Variants in GPC3 observed in about 807,000 individuals in gnomAD.
The protein encoded by GPC3 is glypican 3.
A neutral mutation model predicts 34.4 loss-of-function variants in GPC3; 3 were observed. The ratio of observed to expected loss-of-function variants is 0.09; its 90% CI spans 0.04 to 0.23. The LOEUF (loss-of-function observed/expected upper bound fraction) is 0.23, where lower values mean the gene tolerates loss of function less well. Among genes scored for constraint, GPC3 ranks in the 10% least tolerant of loss-of-function variants. The probability of loss-of-function intolerance (pLI) is 1.00; values close to 1 mark genes in which losing one functional copy is unlikely to be tolerated. For missense variants in GPC3, 351 were observed against 445.6 expected (o/e 0.79, Z 1.91); for synonymous variants, 177 against 174.0 (o/e 1.02, Z -0.13).
chrX:133,690,249 T>C (rs2071049107), intron 5 of GPC3, among the ~76,000 whole-genome samples: 1 of 111,116 alleles, frequency 9.0e-6, no homozygotes, highest in African/African-American at 3.3e-5. Flanking sequence ...ATGTCTTTTG[T>C]TTTGTGTTGG....
intron 2 of GPC3, among the ~76,000 whole-genome samples, chrX:133,931,154 T>C (rs1347384485): frequency 9.0e-6 from 1 of 111,471 alleles, no homozygotes; most frequent in Non-Finnish European, 1.9e-5. Flanking sequence ...AATGTGTTAA[T>C]GTATATAATG....
intron 6 of GPC3, among the ~76,000 whole-genome samples, chrX:133,622,451 A>T (rs2070244978): frequency 8.9e-6 from 1 of 112,167 alleles, no homozygotes; most frequent in Non-Finnish European, 1.9e-5. Flanking sequence ...TAAACAGTGT[A>T]GAGAAGCACT....
Position 133,579,341 on chromosome X carries a change from T to C in GPC3, c.1573+17099A>G, listed in dbSNP as rs143564674. On this transcript the variant is annotated intron_variant, in intron 7 of 7. Transcript: ENST00000370818. ...CAAGACCCCCAACTACACTAGGAAC[T>C]TCTATGGGCAGGTACTTTGCTTATT... 4.5e-4 allele frequency among the ~76,000 whole-genome samples: 50 copies of C among 112,027 alleles called. 1 individual carries two copies. In the East Asian group the frequency reaches 0.012, roughly 27 times the overall value.
Position 133,754,180 on chromosome X carries a change from TAA to T in GPC3, c.338-6_338-5del, listed in dbSNP as rs370737647. 14,718 of 876,847 alleles carry T rather than the reference TAA, an allele frequency of 0.017. No homozygotes were observed. The highest frequency in any genetic ancestry group is 0.029 in the Admixed American group (888 of 31,120). 72.3% of individuals were successfully genotyped at this position (876,847 alleles called of 1,213,427 possible). On this transcript the variant is annotated splice_region_variant and splice_polypyrimidine_tract_variant and intron_variant, in intron 2 of 7. Coordinates refer to ENST00000370818, the MANE Select transcript of GPC3 (RefSeq NM_004484.4). ...CGAACAACAATTTCAAAGGCCTCTGTAAAAAAAAAAAAAAAAGAGACACAAAA... is the reference window on the plus strand; with the variant it reads ...CGAACAACAATTTCAAAGGCCTCTGTAAAAAAAAAAAAAAGAGACACAAAA...
intron 6 of GPC3, among the ~76,000 whole-genome samples, chrX:133,624,294 G>A (rs2070270865): frequency 9.0e-6 from 1 of 111,526 alleles, no homozygotes; most frequent in South Asian, 3.8e-4. Flanking sequence ...CAGAAGGCAA[G>A]AAATAACTAA....
At chrX:133,685,124 G>A (rs1366584365) in intron 5 of GPC3, among the ~76,000 whole-genome samples, 2 of 111,442 alleles carry the variant, frequency 1.8e-5, no homozygotes, top group South Asian at 3.8e-4. Flanking sequence ...AGAAAGAACT[G>A]TGCCCCCAAC....
chrX:133,877,101 A>T (rs966118086), intron 2 of GPC3, among the ~76,000 whole-genome samples: 1 of 112,062 alleles, frequency 8.9e-6, no homozygotes, highest in Non-Finnish European at 1.9e-5. Flanking sequence ...TCAGTTAAAC[A>T]TAACCTCTAT....
chrX:133,851,101 T>C (rs1166371634), intron 2 of GPC3, among the ~76,000 whole-genome samples: 1 of 111,571 alleles, frequency 9.0e-6, no homozygotes, highest in African/African-American at 3.3e-5. Flanking sequence ...AGACTCCGTC[T>C]CCAAAACAAA....
chrX:133,536,061 TTCC>T lies in GPC3; in HGVS notation c.*60_*62del. On this transcript the variant is annotated 3_prime_UTR_variant, in exon 8 of 8. Transcript: ENST00000370818. ...AAAATAGAAAAAAATAAGAAAGTGGTTCCCTTTATCGAGGAAGACCACAGGGTG... is the reference window on the plus strand; with the variant it reads ...AAAATAGAAAAAAATAAGAAAGTGGTCTTTATCGAGGAAGACCACAGGGTG... 9.1e-6 allele frequency: 8 copies of T among 879,483 alleles called. No homozygotes were observed. Among genetic ancestry groups the T allele is most frequent in the Non-Finnish European group, 1.3e-5 (8 of 612,990 alleles). 72.5% of individuals were successfully genotyped at this position (879,483 alleles called of 1,213,427 possible).
At chrX:133,604,056 A>G (rs1569394501) in intron 6 of GPC3, among the ~76,000 whole-genome samples, 1 of 111,489 alleles carries the variant, frequency 9.0e-6, no homozygotes, top group Non-Finnish European at 1.9e-5. Context: ...GGTTTAACAT[A>G]TGTTCTCTCA....
intron 6 of GPC3, among the ~76,000 whole-genome samples, chrX:133,651,250 C>T (rs906858689): frequency 9.2e-6 from 1 of 109,028 alleles, no homozygotes; most frequent in African/African-American, 3.4e-5. Context: ...GTGGCGCGAT[C>T]TCGGCTCACT....
At chrX:133,929,030 A>C (rs923556144) in intron 2 of GPC3, among the ~76,000 whole-genome samples, 3 of 111,980 alleles carry the variant, frequency 2.7e-5, no homozygotes, top group Non-Finnish European at 5.6e-5. Context: ...GGTCAATGCC[A>C]AGGAGCTTTT....
At chrX:133,808,666 G>A (rs1454471317) in intron 2 of GPC3, among the ~76,000 whole-genome samples, 1 of 110,560 alleles carries the variant, frequency 9.0e-6, no homozygotes, top group African/African-American at 3.3e-5. Flanking sequence ...GTGAGACTAT[G>A]AGCAAGATAC....
At chrX:133,672,107 G>C (rs1335350148) in intron 5 of GPC3, among the ~76,000 whole-genome samples, 1 of 111,208 alleles carries the variant, frequency 9.0e-6, no homozygotes, top group Non-Finnish European at 1.9e-5. Flanking sequence ...GAAAGAGTGA[G>C]AGGTTAGTAT....
At chrX:133,958,725 A>AAAC (rs1556360753) in intron 1 of GPC3, among the ~76,000 whole-genome samples, 5 of 95,005 alleles carry the variant, frequency 5.3e-5, no homozygotes, top group African/African-American at 2.0e-4. Flanking sequence ...AAAAAAAAAC[A>AAAC]AAAAAAAAAA....
intron 2 of GPC3, among the ~76,000 whole-genome samples, chrX:133,817,841 C>T (rs1246600511): frequency 9.2e-6 from 1 of 108,848 alleles, no homozygotes; most frequent in Non-Finnish European, 1.9e-5. Context: ...ATTCCTGCTT[C>T]CCCCTCCCTG....
At chrX:133,758,798 G>A (rs972065354) in intron 2 of GPC3, among the ~76,000 whole-genome samples, 3 of 111,257 alleles carry the variant, frequency 2.7e-5, no homozygotes, top group African/African-American at 9.8e-5. Context: ...GATCATATGA[G>A]TAAATGCAGG....
intron 6 of GPC3, among the ~76,000 whole-genome samples, chrX:133,649,789 G>A (rs771983607): frequency 4.9e-4 from 55 of 111,605 alleles, no homozygotes; most frequent in African/African-American, 1.8e-3. Context: ...TCCCAGGCAG[G>A]CACAAAGGCT....
chrX:133,566,503 G>C (rs1330373339), intron 7 of GPC3, among the ~76,000 whole-genome samples: 1 of 111,709 alleles, frequency 9.0e-6, no homozygotes, highest in African/African-American at 3.3e-5. Flanking sequence ...GGTGGTGATA[G>C]AGAAGTCAAA....
Sources: allele counts gnomAD v4.1 joint callset (sites outside exome capture counted in the v4.1 genomes callset), GRCh38; gene constraint gnomAD v4.1.1; transcripts MANE v1.5; gene names NCBI Gene and HGNC (gene_info 2026-07-23, HGNC 2026-07-21).